Variants in DLGAP5 observed in about 807,000 individuals in gnomAD.
The protein encoded by DLGAP5 is disks large-associated protein 5.
Under a neutral mutation model 99.6 loss-of-function variants are expected in DLGAP5, and 90 were observed. The observed-to-expected ratio is 0.90, with a 90% confidence interval of 0.76 to 1.08. The LOEUF is 1.08. DLGAP5 is among the 50% of genes least tolerant of loss of function. The probability of loss-of-function intolerance (pLI) is 0.00; values close to 1 mark genes in which losing one functional copy is unlikely to be tolerated. For synonymous variants in DLGAP5, 311 were observed against 321.3 expected (o/e 0.97, Z 0.34); for missense variants, 1,036 against 983.5 (o/e 1.05, Z -0.71).
chr14:55,174,575 C>G (rs1882989023), intron 10 of DLGAP5, among the ~76,000 whole-genome samples: 1 of 152,108 alleles, frequency 6.6e-6, no homozygotes, highest in Admixed American at 6.6e-5. Flanking sequence ...GGATGCCCAG[C>G]TTTAAAATTT....
chr14:55,151,748 G>A lies in DLGAP5; in HGVS notation c.2315C>T (p.Thr772Ile). The A allele has an allele frequency of 1.2e-6, 2 of 1,613,832 alleles. No individual in the cohort carries two copies. The highest frequency in any genetic ancestry group is 1.7e-6 in the Non-Finnish European group (2 of 1,179,892). ...DVLMSSPEKN[T>I]ASQNSILEEG... ...TTCTAAGATGCTATTTTGTGAAGCT[G>A]TATTTTTTTCAGGGCTACTCATCAA... Residue 772 changes from threonine (T) to isoleucine (I), a missense_variant, in exon 17 of 19, where the codon ACA becomes ATA. Physicochemically the swap from Thr to Ile is moderately conservative, Grantham distance 89. Coordinates refer to ENST00000247191, the MANE Select transcript of DLGAP5 (RefSeq NM_014750.5).
intron 2 of DLGAP5, 81 bp downstream of exon 2, chr14:55,188,859 CAG>C: frequency 1.0e-6 from 1 of 970,758 alleles, no homozygotes; most frequent in Non-Finnish European, 1.5e-6. Context: ...CTCTTCTGGC[CAG>C]AGTTTTTTAC....
At position 55,177,174 on chromosome 14, in the gene DLGAP5, T is replaced by G; in HGVS notation, c.937A>C (p.Met313Leu). The G allele has an allele frequency of 6.2e-7, 1 of 1,613,030 alleles. No homozygotes were observed. The highest frequency in any genetic ancestry group is 1.7e-5 in the Admixed American group (1 of 59,766). Residue 313 changes from methionine to leucine, a missense_variant, in exon 8 of 19, where the codon ATG becomes CTG. Transcript: ENST00000247191. ...GKNSFAPKDFMFQPLDGLKTY... is the reference protein window; with the variant it reads ...GKNSFAPKDFLFQPLDGLKTY... ...TTCAGACCATCCAGTGGCTGAAACATAAAATCCTTAGGTGCAAAGGAATTC... is the reference window on the plus strand; with the variant it reads ...TTCAGACCATCCAGTGGCTGAAACAGAAAATCCTTAGGTGCAAAGGAATTC...
Position 55,156,583 on chromosome 14 carries a change from G to A in DLGAP5, c.1874-1777C>T, listed in dbSNP as rs546575159. 9.2e-5 allele frequency among the ~76,000 whole-genome samples: 14 copies of A among 152,226 alleles called. No homozygotes were observed. In the East Asian group the frequency reaches 1.9e-3, roughly 21 times the overall value. On this transcript the variant is annotated intron_variant, in intron 14 of 18. Transcript: ENST00000247191. ...ATGGCCCCGCTAACAGAAGGGCCCC[G>A]AAAGTAAAGGTCCTACCCATGTGCA... is the stretch of plus-strand genomic sequence containing the variant.
chr14:55,172,776 G>T (rs1882905242), intron 10 of DLGAP5, among the ~76,000 whole-genome samples: 1 of 152,118 alleles, frequency 6.6e-6, no homozygotes, highest in Admixed American at 6.5e-5. Flanking sequence ...AAGGTCAGGA[G>T]TTCGAGACCA....
intron 14 of DLGAP5, among the ~76,000 whole-genome samples, chr14:55,155,445 C>CA (rs761504660): frequency 6.6e-6 from 1 of 151,368 alleles, no homozygotes; most frequent in Non-Finnish European, 1.5e-5. Flanking sequence ...CTCCTGGGTT[C>CA]AAGTGATTCT....
At chr14:55,175,500 A>G (rs1883030646) in intron 9 of DLGAP5, 28 bp from the exon 10 acceptor site, 3 of 1,164,354 alleles carry the variant, frequency 2.6e-6, no homozygotes, top group Middle Eastern at 2.1e-4. Flanking sequence ...TCTTACATAT[A>G]AATTTCAAAG....
At chr14:55,148,532 T>C in intron 18 of DLGAP5, 59 bp from the exon 19 acceptor site, 1 of 1,612,138 alleles carries the variant, frequency 6.2e-7, no homozygotes, top group Non-Finnish European at 8.5e-7. Context: ...ACCAATTAAT[T>C]CTTCAACATT....
chr14:55,181,635 C>A (rs901088326), intron 4 of DLGAP5, among the ~76,000 whole-genome samples: 3 of 152,140 alleles, frequency 2.0e-5, no homozygotes, highest in Non-Finnish European at 4.4e-5. Context: ...AAATACTTCT[C>A]CTGGATAAAA....
rs567418519 is a variant in DLGAP5 at position 55,185,260 on chromosome 14, C to T, written c.239-1507G>A. On this transcript the variant is annotated intron_variant, in intron 2 of 18. Transcript: ENST00000247191. ...TGTCGCCTTGGCTGGAATGCAGCGG[C>T]GTGATCTCGGCTCAATGCATCCTCG... Among the ~76,000 whole-genome samples the T allele has an allele frequency of 5.3e-5, 8 of 152,352 alleles. No individual in the cohort carries two copies. The East Asian group carries it at 5.8e-4, about 11-fold the overall frequency.
intron 12 of DLGAP5, among the ~76,000 whole-genome samples, chr14:55,166,059 A>C (rs193121950): frequency 6.6e-6 from 1 of 152,358 alleles, no homozygotes; most frequent in East Asian, 1.9e-4. Flanking sequence ...CATCTGCCCA[A>C]GAGAAATTTA....
intron 13 of DLGAP5, among the ~76,000 whole-genome samples, chr14:55,162,529 G>A (rs565557562): frequency 6.6e-6 from 1 of 151,668 alleles, no homozygotes; most frequent in Non-Finnish European, 1.5e-5. Flanking sequence ...TGAGGCAGGA[G>A]AATGGCGTGA....
At position 55,151,839 on chromosome 14, in the gene DLGAP5, T is replaced by G; in HGVS notation, c.2224A>C (p.Lys742Gln). The change falls in exon 17 of 19, where the codon AAA (lysine) becomes CAA (glutamine). Residue 742 changes from lysine to glutamine, a missense_variant. By Grantham distance (53) the Lys-to-Gln change is moderately conservative (BLOSUM62 1). Transcript: ENST00000247191. ...TCCACAACATCTGAAATTCCTTCTT[T>G]TTTGTTAGTATTAATATCATCTGCT... ...GVADDINTNK[K>Q]EGISDVVEGM... 1 of 1,614,038 alleles carries G rather than the reference T, an allele frequency of 6.2e-7. No homozygotes were observed. The highest frequency in any genetic ancestry group is 8.5e-7 in the Non-Finnish European group (1 of 1,179,966).
chr14:55,154,925 A>C, intron 14 of DLGAP5, 119 bp from the exon 15 acceptor site: 2 of 837,130 alleles, frequency 2.4e-6, no homozygotes, highest in Non-Finnish European at 3.7e-6. Context: ...ATGTCTGTTA[A>C]AGACAAATGC....
At chr14:55,178,658 G>T (rs778464140) in intron 7 of DLGAP5, among the ~76,000 whole-genome samples, 3 of 152,220 alleles carry the variant, frequency 2.0e-5, no homozygotes, top group African/African-American at 7.2e-5. Flanking sequence ...CTTTATCTGT[G>T]AAGATTCACT....
intron 15 of DLGAP5, among the ~76,000 whole-genome samples, chr14:55,153,037 A>T (rs1882071957): frequency 6.6e-6 from 1 of 152,220 alleles, no homozygotes. Flanking sequence ...TTTACTCGTT[A>T]CTTGTTAATC....
intron 12 of DLGAP5, among the ~76,000 whole-genome samples, chr14:55,164,412 C>T (rs1374122907): frequency 6.6e-6 from 1 of 152,140 alleles, no homozygotes. Context: ...ACAGTCTTTT[C>T]AACAAACAGT....
intron 13 of DLGAP5, among the ~76,000 whole-genome samples, chr14:55,161,501 C>G (rs10438128): frequency 0.025 from 3,764 of 150,072 alleles, 161 homozygotes; most frequent in African/African-American, 0.088. Flanking sequence ...CCTCTGCCTC[C>G]CAGGATCAAG....
chr14:55,163,179 G>C lies in DLGAP5; in HGVS notation c.1549-104C>G, dbSNP rs921154789. ...AAATTAAAAATAGTGATTCAGAAATGATGAGTTATTAAAACTGGACTGAGT... is the reference window on the plus strand; with the variant it reads ...AAATTAAAAATAGTGATTCAGAAATCATGAGTTATTAAAACTGGACTGAGT... On this transcript the variant is annotated intron_variant, in intron 12 of 18. Transcript: ENST00000247191. 60 of 560,800 alleles carry C rather than the reference G, an allele frequency of 1.1e-4. No homozygotes were observed. In the Middle Eastern group the frequency reaches 1.6e-3, roughly 15 times the overall value. The allele number at this position is 560,800 out of a possible 1,614,324, so 34.7% of individuals were successfully genotyped here. A position where few individuals can be genotyped will look rare whatever the true frequency, so the allele number is the denominator to read the frequency against.
Sources: gnomAD v4.1 joint callset for allele counts (sites outside exome capture counted in the v4.1 genomes callset) on GRCh38, gnomAD v4.1.1 for gene constraint, MANE v1.5 for transcripts, NCBI Gene and HGNC (gene_info 2026-07-23, HGNC 2026-07-21) for gene names.